Variants in NAALADL2 observed in about 807,000 individuals in gnomAD.
The protein encoded by NAALADL2 is N-acetylated alpha-linked acidic dipeptidase like 2.
NAALADL2 carries 76 observed loss-of-function variants against 87.2 expected under a neutral mutation model. That is an observed-to-expected ratio of 0.87 (90% CI 0.72 to 1.05). NAALADL2 has a LOEUF of 1.05. NAALADL2 is among the 50% of genes least tolerant of loss of function. The pLI is 0.00. For missense variants in NAALADL2, 1,089 were observed against 945.8 expected, an observed-to-expected ratio of 1.15 and a Z score of -1.99; for synonymous variants, 354 against 331.0, an observed-to-expected ratio of 1.07 and a Z score of -0.75.
At chr3:175,630,187 T>C (rs901530390) in intron 11 of NAALADL2, among the ~76,000 whole-genome samples, 9 of 151,792 alleles carry the variant, frequency 5.9e-5, no homozygotes, top group Admixed American at 1.3e-4. Context: ...AACCATAAAA[T>C]GAAGTAATTA....
At chr3:174,929,945 A>G (rs951287609) in intron 1 of NAALADL2, among the ~76,000 whole-genome samples, 10 of 152,182 alleles carry the variant, frequency 6.6e-5, no homozygotes, top group African/African-American at 2.4e-4. Context: ...GATTACCTCT[A>G]GCATATAGTA....
At chr3:174,589,084 C>G (rs1030074789) in intron 2 of NAALADL2, among the ~76,000 whole-genome samples, 2 of 152,156 alleles carry the variant, frequency 1.3e-5, no homozygotes, top group Admixed American at 6.5e-5. Flanking sequence ...TGGCGGACAC[C>G]CCTCCCCCAG....
chr3:175,255,539 T>C (rs1489382838), intron 3 of NAALADL2, among the ~76,000 whole-genome samples: 1 of 152,166 alleles, frequency 6.6e-6, no homozygotes, highest in Non-Finnish European at 1.5e-5. Flanking sequence ...AATATAATCA[T>C]TGGAAAGCAT....
intron 5 of NAALADL2, among the ~76,000 whole-genome samples, chr3:175,353,525 A>T (rs995554845): frequency 2.6e-5 from 4 of 152,204 alleles, no homozygotes; most frequent in African/African-American, 9.6e-5. Flanking sequence ...AGGTGAGAAG[A>T]CTAAGACATG....
chr3:174,801,449 G>GT (rs1285316231), intron 3 of NAALADL2, among the ~76,000 whole-genome samples: 2 of 152,210 alleles, frequency 1.3e-5, no homozygotes, highest in Admixed American at 1.3e-4. Context: ...ACGTGGAACT[G>GT]TAAGTCCATT....
At chr3:175,103,292 ATCT>A (rs1055295204) in intron 2 of NAALADL2, among the ~76,000 whole-genome samples, 3 of 152,020 alleles carry the variant, frequency 2.0e-5, no homozygotes, top group African/African-American at 7.2e-5. Context: ...TTTACAAATG[ATCT>A]TCTCCCTTTT....
chr3:175,092,090 T>G (rs930824894), intron 1 of NAALADL2, among the ~76,000 whole-genome samples: 19 of 151,956 alleles, frequency 1.3e-4, no homozygotes, highest in African/African-American at 3.4e-4. Flanking sequence ...TGTGTTAGAC[T>G]ATGTTTTGAG....
intron 1 of NAALADL2, among the ~76,000 whole-genome samples, chr3:174,935,968 G>T (rs9847017): frequency 0.059 from 8,953 of 152,180 alleles, 308 homozygotes; most frequent in African/African-American, 0.068. Flanking sequence ...CCATAATGAT[G>T]TCAGGACACT....
intron 5 of NAALADL2, among the ~76,000 whole-genome samples, chr3:175,413,698 C>T (rs1406185394): frequency 6.6e-6 from 1 of 151,724 alleles, no homozygotes; most frequent in Non-Finnish European, 1.5e-5. Flanking sequence ...ACTACCTGGA[C>T]GTCATGGAAC....
intron 1 of NAALADL2, among the ~76,000 whole-genome samples, chr3:174,993,030 T>C (rs1746950319): frequency 1.3e-5 from 2 of 152,214 alleles, no homozygotes; most frequent in South Asian, 4.1e-4. Context: ...GAATAGAGCA[T>C]ATCGAGAATA....
In NAALADL2 at chr3:175,783,155, G is replaced by A. The variant is rs9799270; in HGVS notation, c.2190-19850G>A. ...CAGGTAGTGTGATGCCTCCAGCTTTGTTCTTTTGACTTAGGACTGACTTGG... is the reference window on the plus strand; with the variant it reads ...CAGGTAGTGTGATGCCTCCAGCTTTATTCTTTTGACTTAGGACTGACTTGG... On this transcript the variant is annotated intron_variant, in intron 13 of 13. Coordinates refer to ENST00000454872, the MANE Select transcript of NAALADL2 (RefSeq NM_207015.3). Among the ~76,000 whole-genome samples, 496 of 152,250 alleles carry A rather than the reference G, an allele frequency of 3.3e-3. 13 individuals are homozygous for A. Among genetic ancestry groups the A allele is most frequent in the Admixed American group, 0.028 (431 of 15,296 alleles).
At chr3:175,382,252 A>T (rs1767873336) in intron 5 of NAALADL2, among the ~76,000 whole-genome samples, 1 of 152,200 alleles carries the variant, frequency 6.6e-6, no homozygotes, top group Non-Finnish European at 1.5e-5. Flanking sequence ...GGTTCATGAA[A>T]CAGTATGACA....
At chr3:175,791,955 C>G (rs1188263470) in intron 13 of NAALADL2, among the ~76,000 whole-genome samples, 1 of 148,914 alleles carries the variant, frequency 6.7e-6, no homozygotes, top group South Asian at 2.1e-4. Flanking sequence ...TTACTCACAA[C>G]TTGGAAATTC....
intron 3 of NAALADL2, among the ~76,000 whole-genome samples, chr3:174,808,853 GGTGTAT>G (rs59689653): frequency 0.24 from 35,659 of 151,290 alleles, 4,288 homozygotes; most frequent in East Asian, 0.34. Flanking sequence ...GGTGGTGCCT[GGTGTAT>G]GTGTATGTGT....
At chr3:175,203,271 G>A (rs1740340160) in intron 2 of NAALADL2, among the ~76,000 whole-genome samples, 1 of 152,084 alleles carries the variant, frequency 6.6e-6, no homozygotes, top group African/African-American at 2.4e-5. Context: ...GTGATTCCAG[G>A]CAGGAATGGC....
intron 12 of NAALADL2, among the ~76,000 whole-genome samples, chr3:175,738,335 C>T (rs939532654): frequency 2.6e-5 from 4 of 152,012 alleles, no homozygotes; most frequent in African/African-American, 9.7e-5. Flanking sequence ...GCAACCTCCA[C>T]CTCCCAGGTT....
At chr3:175,785,110 A>T (rs1373372949) in intron 13 of NAALADL2, among the ~76,000 whole-genome samples, 4 of 150,298 alleles carry the variant, frequency 2.7e-5, no homozygotes, top group African/African-American at 4.9e-5. Flanking sequence ...TGCTGAGGAG[A>T]GCTTTACTTC....
intron 3 of NAALADL2, among the ~76,000 whole-genome samples, chr3:174,839,927 A>G (rs757376532): frequency 6.6e-6 from 1 of 152,164 alleles, no homozygotes; most frequent in Non-Finnish European, 1.5e-5. Flanking sequence ...TACAATTACT[A>G]TGGAAAACAG....
intron 1 of NAALADL2, among the ~76,000 whole-genome samples, chr3:175,049,769 A>C (rs1468701708): frequency 6.6e-6 from 1 of 152,232 alleles, no homozygotes; most frequent in Non-Finnish European, 1.5e-5. Context: ...AGAGAGTCAG[A>C]AAAATCAAGC....
Sources: gnomAD v4.1 joint callset for allele counts (sites outside exome capture counted in the v4.1 genomes callset) on GRCh38, gnomAD v4.1.1 for gene constraint, MANE v1.5 for transcripts, NCBI Gene and HGNC (gene_info 2026-07-23, HGNC 2026-07-21) for gene names.